ANKRD54: variants seen among roughly 807,000 people sequenced by gnomAD.
The protein encoded by ANKRD54 is ankyrin repeat domain-containing protein 54.
In ANKRD54, 26 loss-of-function variants were observed where a neutral mutation model predicts 36.2. That is an observed-to-expected ratio of 0.72 (90% confidence interval 0.53 to 1.00). ANKRD54 has a LOEUF of 1.00. Among genes scored for constraint, ANKRD54 ranks in the 50% least tolerant of loss-of-function variants. ANKRD54 has a pLI of 0.00. For missense variants in ANKRD54, 384 were observed against 424.3 expected, an observed-to-expected ratio of 0.91 and a Z score of 0.83; for synonymous variants, 209 against 188.4, an observed-to-expected ratio of 1.11 and a Z score of -0.89.
chr22:37,840,045 T>C (rs1045383079), intron 2 of ANKRD54, 142 bp downstream of exon 2: 75 of 972,850 alleles, frequency 7.7e-5, no homozygotes, highest in Non-Finnish European at 1.1e-4. Context: ...GCAAGATGAC[T>C]GCACAGTCAG....
chr22:37,847,168 TTC>T (rs999634211), upstream of ANKRD54, among the ~76,000 whole-genome samples: 3 of 150,806 alleles, frequency 2.0e-5, no homozygotes, highest in African/African-American at 7.3e-5. Context: ...CTTTTCTTTT[TTC>T]TTTTTTTTTT....
intron 1 of ANKRD54, 117 bp from the exon 2 acceptor site, chr22:37,840,351 G>A (rs1339949316): frequency 2.8e-6 from 3 of 1,064,570 alleles, no homozygotes; most frequent in East Asian, 2.5e-5. Context: ...AAGGTCAGGA[G>A]ATCGAGACCA....
intron 4 of ANKRD54, among the ~76,000 whole-genome samples, 177 bp from the exon 5 acceptor site, chr22:37,833,383 G>C (rs768082343): frequency 3.9e-5 from 6 of 152,176 alleles, no homozygotes; most frequent in Non-Finnish European, 8.8e-5. Context: ...CTCCCTCCCT[G>C]TACAGCAGAG....
intron 3 of ANKRD54, 92 bp from the exon 4 acceptor site, chr22:37,833,847 AG>A: frequency 8.8e-7 from 1 of 1,142,664 alleles, no homozygotes; most frequent in South Asian, 1.3e-5. Context: ...GGCTCAGAGT[AG>A]GGGACACGGA....
At chr22:37,838,429 C>A in intron 3 of ANKRD54, 71 bp downstream of exon 3, 1 of 1,437,534 alleles carries the variant, frequency 7.0e-7, no homozygotes. Flanking sequence ...CAGACAGCAG[C>A]GCCTCCCCCA....
Position 37,843,962 on chromosome 22 carries a change from G to C in ANKRD54, c.277C>G (p.Arg93Gly), listed in dbSNP as rs747077129. Residue 93 changes from arginine to glycine, a missense_variant, in exon 1 of 8, where the codon CGC (arginine) becomes GGC (glycine). Coordinates refer to ENST00000215941, the MANE Select transcript of ANKRD54 (RefSeq NM_138797.4). ...RCKIPAGRLR[R>G]AARPHRRLGP... ...AGCCGCCGGTGGGGCCTGGCAGCGC[G>C]CCTCAGCCGGCCAGCGGGTATCTTG... 1 of 1,405,424 alleles carries C rather than the reference G, an allele frequency of 7.1e-7. No individual in the cohort carries two copies. The highest frequency in any genetic ancestry group is 9.2e-7 in the Non-Finnish European group (1 of 1,082,162). The allele number at this position is 1,405,424 out of a possible 1,614,324, so 87.1% of individuals were successfully genotyped here. A position where few individuals can be genotyped will look rare whatever the true frequency, so the allele number is the denominator to read the frequency against.
upstream of ANKRD54, among the ~76,000 whole-genome samples, chr22:37,844,594 G>C (rs1303866713): frequency 6.6e-6 from 1 of 152,102 alleles, no homozygotes; most frequent in Non-Finnish European, 1.5e-5. Flanking sequence ...CATTTCAGAC[G>C]CTTTTTTTTT....
upstream of ANKRD54, chr22:37,849,028 C>T (rs1924995753): frequency 6.1e-6 from 2 of 329,364 alleles, no homozygotes; most frequent in Admixed American, 9.6e-5. Flanking sequence ...CTCTTGTTGC[C>T]CAGGCTAGAG....
chr22:37,843,904 C>A lies in ANKRD54; in HGVS notation c.328+7G>T, dbSNP rs947629510. The A allele has an allele frequency of 1.6e-6, 2 of 1,227,388 alleles. No homozygotes were observed. The highest frequency in any genetic ancestry group is 1.6e-5 in the African/African-American group (1 of 63,550). The allele number at this position is 1,227,388 out of a possible 1,614,324, so 76.0% of individuals were successfully genotyped here. ...CCCCGGGCCCCCGCGCCGCTCGCGC[C>A]GCTCACCGTGCACCTCCTTGCCCGT... On this transcript the variant is annotated splice_region_variant and intron_variant, in intron 1 of 7. Coordinates refer to ENST00000215941, the MANE Select transcript of ANKRD54 (RefSeq NM_138797.4).
intron 2 of ANKRD54, 112 bp downstream of exon 2, chr22:37,840,075 T>G: frequency 7.9e-7 from 1 of 1,266,730 alleles, no homozygotes; most frequent in South Asian, 1.2e-5. Flanking sequence ...ACAGTGAGCC[T>G]GCTCCAAGGG....
intron 3 of ANKRD54, among the ~76,000 whole-genome samples, chr22:37,834,944 A>G (rs950456627): frequency 4.6e-5 from 7 of 152,000 alleles, no homozygotes; most frequent in Admixed American, 3.3e-4. Context: ...CTGTAGTCTC[A>G]GCTACTTGGG....
intron 1 of ANKRD54, among the ~76,000 whole-genome samples, chr22:37,843,060 C>A (rs1924474630): frequency 6.6e-6 from 1 of 152,232 alleles, no homozygotes; most frequent in Admixed American, 6.5e-5. Context: ...GTGTTTGGGG[C>A]ACAGCAAAGG....
intron 2 of ANKRD54, 127 bp downstream of exon 2, chr22:37,840,060 T>C (rs1924029555): frequency 1.8e-6 from 2 of 1,109,076 alleles, no homozygotes; most frequent in Middle Eastern, 2.4e-4. Flanking sequence ...AGTCAGACAA[T>C]AAATACAGTG....
At chr22:37,833,559 G>A (rs1483724829) in intron 4 of ANKRD54, 125 bp downstream of exon 4, 31 of 1,012,244 alleles carry the variant, frequency 3.1e-5, no homozygotes, top group Non-Finnish European at 4.3e-5. Context: ...CCCTGGGAGT[G>A]CAGGCCTAGG....
intron 3 of ANKRD54, chr22:37,833,966 G>A: frequency 1.8e-6 from 1 of 559,566 alleles, no homozygotes. Context: ...GATTTGGGGA[G>A]GGCCTCTTGG....
chr22:37,832,651 T>C lies in ANKRD54; in HGVS notation c.814A>G (p.Ser272Gly), dbSNP rs1447885475. ...CTGCAGCTCACCTGCTCTTTGGTAC[T>C]GGTCATCTGCAGGCGGGTGCAGAGG... is the stretch of plus-strand genomic sequence containing the variant. ...DDLCTRLQMT[S>G]TKEQVDEVTD... Residue 272 changes from serine (S) to glycine (G), a missense_variant, in exon 7 of 8, where the codon AGT becomes GGT. Around this residue, in one of 3 missense-constraint regions of ANKRD54, gnomAD observed 179 missense variants for 224.0 expected, o/e 0.80. Coordinates refer to ENST00000215941, the MANE Select transcript of ANKRD54 (RefSeq NM_138797.4). 1 of 1,614,084 alleles carries C rather than the reference T, an allele frequency of 6.2e-7. No individual in the cohort carries two copies. Among genetic ancestry groups the C allele is most frequent in the Admixed American group, 1.7e-5 (1 of 60,018 alleles).
chr22:37,849,259 T>C (rs1165612509), upstream of ANKRD54: 8 of 663,604 alleles, frequency 1.2e-5, no homozygotes, highest in East Asian at 2.3e-4. Flanking sequence ...CCCAAACTGG[T>C]GGGGTTACAG....
intron 3 of ANKRD54, 71 bp downstream of exon 3, chr22:37,838,429 C>T (rs896907058): frequency 2.1e-5 from 30 of 1,437,410 alleles, no homozygotes; most frequent in African/African-American, 8.4e-5. Context: ...CAGACAGCAG[C>T]GCCTCCCCCA....
At chr22:37,840,793 A>G (rs1287433917) in intron 1 of ANKRD54, among the ~76,000 whole-genome samples, 2 of 150,182 alleles carry the variant, frequency 1.3e-5, no homozygotes, top group African/African-American at 4.9e-5. Context: ...AGGCTGAGGT[A>G]GGAGAATCAC....
Sources: allele counts gnomAD v4.1 joint callset (sites outside exome capture counted in the v4.1 genomes callset), GRCh38; gene constraint gnomAD v4.1.1; regional missense constraint gnomAD v4.1.1; transcripts MANE v1.5; gene names NCBI Gene and HGNC (gene_info 2026-07-23, HGNC 2026-07-21).